ITGA8: variants seen among roughly 807,000 people sequenced by gnomAD.
ITGA8 encodes the protein integrin subunit alpha 8.
A neutral mutation model predicts 142.3 loss-of-function variants in ITGA8; 91 were observed. The ratio of observed to expected loss-of-function variants is 0.64; its 90% CI spans 0.54 to 0.76. ITGA8 has a LOEUF of 0.76. ITGA8 is among the 30% of genes least tolerant of loss of function. The pLI, the probability that ITGA8 is intolerant of heterozygous loss-of-function variation, is 0.00. For missense variants in ITGA8, 1,406 were observed against 1,327.7 expected (o/e 1.06, Z -0.92); for synonymous variants, 505 against 485.2 (o/e 1.04, Z -0.54).
chr10:15,641,541 T>C (rs1192888717), intron 13 of ITGA8, among the ~76,000 whole-genome samples: 4 of 152,134 alleles, frequency 2.6e-5, no homozygotes, highest in Non-Finnish European at 5.9e-5. Flanking sequence ...GGGAAAAATG[T>C]TATAGAATCA....
At chr10:15,636,545 C>A (rs1833774988) in intron 13 of ITGA8, among the ~76,000 whole-genome samples, 2 of 152,106 alleles carry the variant, frequency 1.3e-5, no homozygotes, top group African/African-American at 4.8e-5. Flanking sequence ...TATTATATAA[C>A]AAAATCCCCC....
chr10:15,526,884 G>A (rs915492202), intron 28 of ITGA8, among the ~76,000 whole-genome samples: 1 of 152,054 alleles, frequency 6.6e-6, no homozygotes, highest in Non-Finnish European at 1.5e-5. Flanking sequence ...TTTTATTATG[G>A]AGGAAAGACC....
At chr10:15,719,473 G>C in intron 1 of ITGA8, 90 bp downstream of exon 1, 5 of 1,226,722 alleles carry the variant, frequency 4.1e-6, no homozygotes, top group Non-Finnish European at 5.4e-6. Flanking sequence ...GGGATCCCAG[G>C]CTGCGGGGGG....
At chr10:15,610,028 A>G (rs1412813344) in intron 15 of ITGA8, among the ~76,000 whole-genome samples, 1 of 152,038 alleles carries the variant, frequency 6.6e-6, no homozygotes, top group Admixed American at 6.6e-5. Context: ...ATAAATCTCT[A>G]TTTCTTTCTT....
chr10:15,618,884 C>A (rs996253391), intron 13 of ITGA8, among the ~76,000 whole-genome samples: 6 of 152,206 alleles, frequency 3.9e-5, no homozygotes, highest in African/African-American at 1.4e-4. Context: ...ATATGTTCAG[C>A]AATCCTATTA....
Position 15,532,430 on chromosome 10 carries a change from A to AAAAAAAAAAAG in ITGA8, c.2881-1280_2881-1279insCTTTTTTTTTT, listed in dbSNP as rs1564339121. On this transcript the variant is annotated intron_variant, in intron 27 of 29. Transcript: ENST00000378076. The stretch of plus-strand genomic sequence containing the variant: ...TGAGACTCCCTCTCAAAAAAAAAAA[A>AAAAAAAAAAAG]AAAAAAAAAAAAAAAAGCCTCTAGT... Among the ~76,000 whole-genome samples the AAAAAAAAAAAG allele has an allele frequency of 1.6e-4, 22 of 135,096 alleles. 1 individual carries two copies. The highest frequency in any genetic ancestry group is 2.1e-4 in the Non-Finnish European group (13 of 62,656). 88.6% of individuals were successfully genotyped at this position (135,096 alleles called of 152,430 possible). A position where few individuals can be genotyped will look rare whatever the true frequency, so the allele number is the denominator to read the frequency against.
chr10:15,652,112 G>C (rs935998816), intron 11 of ITGA8, among the ~76,000 whole-genome samples: 3 of 152,206 alleles, frequency 2.0e-5, no homozygotes, highest in African/African-American at 4.8e-5. Flanking sequence ...TAACAGTTCT[G>C]TGTTTGTTAC....
Position 15,518,532 on chromosome 10 carries a change from A to G in ITGA8, c.3105+758T>C, listed in dbSNP as rs989203944. 6.6e-5 allele frequency among the ~76,000 whole-genome samples: 10 copies of G among 152,248 alleles called. 1 individual carries two copies. Among genetic ancestry groups the G allele is most frequent in the African/African-American group, 2.4e-4 (10 of 41,472 alleles). ...TCATGCTGCATATTGTTTCAAAATA[A>G]AAGCGCACTATGATTTTAGGGAAAA... On this transcript the variant is annotated intron_variant, in intron 29 of 29. Coordinates refer to ENST00000378076, the MANE Select transcript of ITGA8 (RefSeq NM_003638.3).
rs537604605 is a variant in ITGA8 at position 15,656,939 on chromosome 10, A to G, written c.949-1533T>C. 1.1e-4 allele frequency among the ~76,000 whole-genome samples: 16 copies of G among 152,254 alleles called. No homozygotes were observed. The East Asian group carries it at 2.9e-3, about 28-fold the overall frequency. On this transcript the variant is annotated intron_variant, in intron 10 of 29. Transcript: ENST00000378076. ...AACTTTCTGAGCAGTGTCTGGACCA[A>G]AGTAGGTGCCAGGTGCCAAATGCTC...
rs1834355994 is a variant in ITGA8, at chr10:15,664,771, G to GT, written c.848-3850dup. On this transcript the variant is annotated intron_variant, in intron 8 of 29. Transcript: ENST00000378076. ...TATGAGTGAGAACATGCAGTGTTTG[G>GT]TTTTTTGTCCTTGTGATAGTTTGCT... Among the ~76,000 whole-genome samples the GT allele has an allele frequency of 2.0e-5, 3 of 150,908 alleles. No homozygotes were observed. In the South Asian group the frequency reaches 6.3e-4, roughly 32 times the overall value.
At chr10:15,647,158 T>C in intron 11 of ITGA8, 107 bp from the exon 12 acceptor site, 1 of 807,358 alleles carries the variant, frequency 1.2e-6, no homozygotes, top group Non-Finnish European at 2.0e-6. Context: ...TTTTTCCTTT[T>C]CTGAGGGTTA....
At chr10:15,584,538 A>G (rs1452431911) in intron 23 of ITGA8, among the ~76,000 whole-genome samples, 2 of 152,190 alleles carry the variant, frequency 1.3e-5, no homozygotes, top group African/African-American at 4.8e-5. Context: ...CCCACTTCTC[A>G]CAGGAGTGTA....
At chr10:15,657,367 A>G (rs915053551) in intron 10 of ITGA8, among the ~76,000 whole-genome samples, 2 of 152,126 alleles carry the variant, frequency 1.3e-5, no homozygotes, top group African/African-American at 2.4e-5. Flanking sequence ...TATTTCTCCA[A>G]ACCTTCCAAA....
chr10:15,551,138 G>T (rs983310286), intron 26 of ITGA8, among the ~76,000 whole-genome samples: 1 of 152,076 alleles, frequency 6.6e-6, no homozygotes, highest in Non-Finnish European at 1.5e-5. Flanking sequence ...TGCGAGGACG[G>T]GCGTGGCTCT....
chr10:15,530,979 A>T, intron 28 of ITGA8, 71 bp downstream of exon 28: 1 of 916,718 alleles, frequency 1.1e-6, no homozygotes, highest in East Asian at 2.8e-5. Flanking sequence ...AGCCTAGCAC[A>T]AGCTAGACAG....
At chr10:15,533,457 G>T (rs1411908867) in intron 27 of ITGA8, among the ~76,000 whole-genome samples, 1 of 152,144 alleles carries the variant, frequency 6.6e-6, no homozygotes, top group Non-Finnish European at 1.5e-5. Context: ...AATCATGTGT[G>T]TACCTGGTGA....
At chr10:15,627,136 A>G (rs556633869) in intron 13 of ITGA8, among the ~76,000 whole-genome samples, 7 of 152,306 alleles carry the variant, frequency 4.6e-5, no homozygotes, top group East Asian at 1.9e-4. Flanking sequence ...GAGTCTATCA[A>G]TCAACTCACT....
chr10:15,536,407 G>C (rs979434227), intron 27 of ITGA8, among the ~76,000 whole-genome samples: 15 of 152,196 alleles, frequency 9.9e-5, no homozygotes, highest in African/African-American at 3.4e-4. Flanking sequence ...CAAGTTCTGC[G>C]TTGTAGATCA....
chr10:15,644,157 C>T lies in ITGA8; in HGVS notation c.1272G>A (p.Gly424=). 1.9e-6 allele frequency: 3 copies of T among 1,614,092 alleles called. No individual in the cohort carries two copies. The highest frequency in any genetic ancestry group is 2.5e-6 in the Non-Finnish European group (3 of 1,180,010). The change falls in exon 13 of 30, where the codon GGG becomes GGA. Residue 424 remains glycine, a synonymous_variant. Coordinates refer to ENST00000378076, the MANE Select transcript of ITGA8 (RefSeq NM_003638.3). ...GCTTGGTGTTTAAGCCATCTTTGTTCCCATTATAAATGAGCACTTTGCCTC... is the reference window on the plus strand; with the variant it reads ...GCTTGGTGTTTAAGCCATCTTTGTTTCCATTATAAATGAGCACTTTGCCTC... The part of the protein sequence containing the change: ...DQRGKVLIYN[G]NKDGLNTKPS...
Sources: gnomAD v4.1 joint callset for allele counts (sites outside exome capture counted in the v4.1 genomes callset) on GRCh38, gnomAD v4.1.1 for gene constraint, MANE v1.5 for transcripts, NCBI Gene and HGNC (gene_info 2026-07-23, HGNC 2026-07-21) for gene names.